Variants in MBD3 observed in about 807,000 individuals in gnomAD.
The protein encoded by MBD3 is methyl-CpG-binding domain protein 3.
MBD3 carries 13 observed loss-of-function variants against 31.2 expected under a neutral mutation model. The observed-to-expected ratio is 0.42, with a 90% confidence interval of 0.27 to 0.66. The LOEUF is 0.66. Ranked by LOEUF, MBD3 falls within the 30% of genes least tolerant of loss-of-function variation. The probability of loss-of-function intolerance (pLI) is 0.26; values close to 1 mark genes in which losing one functional copy is unlikely to be tolerated. For synonymous variants in MBD3, 223 were observed against 187.4 expected, an observed-to-expected ratio of 1.19 and a Z score of -1.55; for missense variants, 440 against 426.5, an observed-to-expected ratio of 1.03 and a Z score of -0.28.
chr19:1,579,974 T>C (rs1032826504), intron 5 of MBD3, among the ~76,000 whole-genome samples: 4 of 152,208 alleles, frequency 2.6e-5, no homozygotes, highest in African/African-American at 9.6e-5. Flanking sequence ...GCCAGGCTGG[T>C]CTTCAACTCC....
chr19:1,582,952 C>T (rs921450581), intron 3 of MBD3, among the ~76,000 whole-genome samples: 2 of 152,092 alleles, frequency 1.3e-5, no homozygotes, highest in African/African-American at 2.4e-5. Flanking sequence ...GCCTGTAATC[C>T]CAGCACTTTA....
In MBD3 at chr19:1,578,622, G is replaced by A. The variant is rs1181981219; in HGVS notation, c.678-84C>T. ...AGGATGAACGTGGGGACCTCAGCTGGGAGGGGAGGCCCGAGGGATCCACAG... is the reference window on the plus strand; with the variant it reads ...AGGATGAACGTGGGGACCTCAGCTGAGAGGGGAGGCCCGAGGGATCCACAG... On this transcript the variant is annotated intron_variant, in intron 5 of 6. Coordinates refer to ENST00000434436, the MANE Select transcript of MBD3 (RefSeq NM_001281453.2). This position sits in a 1 kb window ranked among gnomAD's most constrained non-coding sequence, Gnocchi z 6.1. The A allele has an allele frequency of 1.2e-6, 2 of 1,600,236 alleles. No homozygotes were observed. Among genetic ancestry groups the A allele is most frequent in the Non-Finnish European group, 1.7e-6 (2 of 1,179,770 alleles).
chr19:1,584,958 C>G, intron 2 of MBD3, 97 bp downstream of exon 2: 1 of 1,527,846 alleles, frequency 6.5e-7, no homozygotes, highest in Non-Finnish European at 8.9e-7. Flanking sequence ...CTCCTGCGCT[C>G]AGGACGCCGG....
intron 3 of MBD3, 73 bp from the exon 4 acceptor site, chr19:1,582,785 A>G: frequency 7.2e-7 from 1 of 1,392,158 alleles, no homozygotes; most frequent in South Asian, 1.2e-5. Flanking sequence ...GCTGGGCTCC[A>G]GGGAGGCCCA....
Position 1,584,657 on chromosome 19 carries a change from C to T in MBD3, c.291G>A (p.Thr97=). The change falls in exon 3 of 7, where the codon ACG becomes ACA. Residue 97 remains threonine (T), a synonymous_variant. Coordinates refer to ENST00000434436, the MANE Select transcript of MBD3 (RefSeq NM_001281453.2). ...NQVKGKPDLN[T]ALPVRQTASI... is the part of the protein sequence containing the mutation. ...ACGCCGTCTGGCGCACGGGCAGCGC[C>T]GTGTTCAGGTCGGGCTTGCCCTGCG... 2 of 1,613,068 alleles carry T rather than the reference C, an allele frequency of 1.2e-6. No homozygotes were observed. The highest frequency in any genetic ancestry group is 1.7e-6 in the Non-Finnish European group (2 of 1,179,808).
At position 1,585,190 on chromosome 19, in the gene MBD3, G is replaced by A; in HGVS notation, c.135C>T (p.Ser45=). 6.2e-7 allele frequency: 1 copy of A among 1,604,340 alleles called. No individual in the cohort carries two copies. Among genetic ancestry groups the A allele is most frequent in the South Asian group, 1.1e-5 (1 of 90,790 alleles). Residue 45 remains serine (S), a synonymous_variant, in exon 2 of 7, where the codon AGC becomes AGT. Coordinates refer to ENST00000434436, the MANE Select transcript of MBD3 (RefSeq NM_001281453.2). The surrounding 1 kb of genome is among the most constrained non-coding windows in gnomAD (Gnocchi z 4.1). The part of the protein sequence containing the change: ...YYSPSGKKFR[S]KPQLARYLGG... The stretch of plus-strand genomic sequence containing the variant: ...CCAGGTAGCGCGCCAGCTGCGGCTT[G>A]CTGCGGAACTTCTTCCCGCTCGGGC...
chr19:1,581,702 G>A (rs1345941489), intron 4 of MBD3: 3 of 300,266 alleles, frequency 1.0e-5, no homozygotes, highest in Non-Finnish European at 1.9e-5. Flanking sequence ...TAGTAACGGC[G>A]CCACTGTACT....
At position 1,578,462 on chromosome 19, in the gene MBD3, C is replaced by T. The variant is rs895867400; in HGVS notation, c.754G>A (p.Glu252Lys). 1 of 1,609,410 alleles carries T rather than the reference C, an allele frequency of 6.2e-7. No individual in the cohort carries two copies. The highest frequency in any genetic ancestry group is 1.3e-5 in the African/African-American group (1 of 74,946). Residue 252 changes from glutamate to lysine, a missense_variant, in exon 6 of 7, where the codon GAG becomes AAG. Around this residue, in one of 3 missense-constraint regions of MBD3, gnomAD observed 117 missense variants for 95.0 expected, o/e 1.23. Transcript: ENST00000434436. The surrounding 1 kb of genome is among the most constrained non-coding windows in gnomAD (Gnocchi z 6.1). ...GCCTCCCCGTCACGGGCCAGCTCCT[C>T]CACGTGCGCCAGCATGTCGGCCATC... ...ALMADMLAHV[E>K]ELARDGEAPL...
intron 1 of MBD3, among the ~76,000 whole-genome samples, chr19:1,590,559 G>A (rs866593368): frequency 3.9e-5 from 6 of 152,134 alleles, no homozygotes; most frequent in Non-Finnish European, 7.4e-5. Context: ...TCAAGAATGC[G>A]TAAGCCGTGA....
intron 1 of MBD3, among the ~76,000 whole-genome samples, chr19:1,587,875 C>T (rs1020145971): frequency 7.4e-6 from 1 of 134,644 alleles, no homozygotes; most frequent in Non-Finnish European, 1.8e-5. Flanking sequence ...GCTGTTTTCC[C>T]GTTTTCCCAG....
intron 3 of MBD3, chr19:1,583,507 A>T (rs936315406): frequency 6.6e-6 from 1 of 152,124 alleles, no homozygotes; most frequent in Admixed American, 6.6e-5. Flanking sequence ...TGGGTTCCAT[A>T]ACCACACACC....
At chr19:1,591,071 C>T (rs1001640326) in intron 1 of MBD3, among the ~76,000 whole-genome samples, 4 of 152,218 alleles carry the variant, frequency 2.6e-5, no homozygotes, top group African/African-American at 9.6e-5. Flanking sequence ...TCCCAAGCTG[C>T]AGCCACCTCT....
Position 1,585,252 on chromosome 19 carries a change from C to T in MBD3, c.111-38G>A. The stretch of plus-strand genomic sequence containing the variant: ...GGGACGGTCGGCGCCCCGGGCGGAC[C>T]CCAGACCCCAAACCCAGGCCTCGGC... On this transcript the variant is annotated intron_variant, in intron 1 of 6. Coordinates refer to ENST00000434436, the MANE Select transcript of MBD3 (RefSeq NM_001281453.2). This position sits in a 1 kb window ranked among gnomAD's most constrained non-coding sequence, Gnocchi z 4.1. 2 of 1,543,068 alleles carry T rather than the reference C, an allele frequency of 1.3e-6. No homozygotes were observed. The highest frequency in any genetic ancestry group is 1.7e-6 in the Non-Finnish European group (2 of 1,151,106).
chr19:1,585,071 G>T lies in MBD3; in HGVS notation c.254C>A (p.Ser85Tyr), dbSNP rs1224919713. 2.5e-6 allele frequency: 4 copies of T among 1,612,182 alleles called. No homozygotes were observed. The highest frequency in any genetic ancestry group is 1.7e-6 in the Non-Finnish European group (2 of 1,179,372). Residue 85 changes from serine to tyrosine, a missense_variant, in exon 2 of 7, where the codon TCC (serine) becomes TAC (tyrosine). Coordinates refer to ENST00000434436, the MANE Select transcript of MBD3 (RefSeq NM_001281453.2). The surrounding 1 kb of genome is among the most constrained non-coding windows in gnomAD (Gnocchi z 4.1). ...NKSRQRVRYD[S>Y]SNQVKGKPDL... ...ACCACTCACCTTGACCTGGTTGGAG[G>T]AGTCGTAGCGCACGCGCTGGCGGCT... is the stretch of plus-strand genomic sequence containing the variant.
chr19:1,579,786 A>G (rs1202727323), intron 5 of MBD3, among the ~76,000 whole-genome samples: 1 of 151,722 alleles, frequency 6.6e-6, no homozygotes, highest in African/African-American at 2.4e-5. Flanking sequence ...ATAAGTTCTT[A>G]TTTTATTTTT....
Position 1,576,277 on chromosome 19 carries a change from G to T in MBD3, c.*1887C>A, listed in dbSNP as rs908039333. On this transcript the variant is annotated 3_prime_UTR_variant, in exon 7 of 7. Transcript: ENST00000434436. ...CATGGCTAGTGAGCTGAAGTCCAGG[G>T]TCCCGGGGCACAGCTCCCCTCCCTG... The T allele has an allele frequency of 2.0e-5, 3 of 152,198 alleles. No individual in the cohort carries two copies. The highest frequency in any genetic ancestry group is 4.4e-5 in the Non-Finnish European group (3 of 68,054). 9.4% of individuals were successfully genotyped at this position (152,198 alleles called of 1,614,324 possible).
chr19:1,583,549 G>GA (rs899124986), intron 3 of MBD3, among the ~76,000 whole-genome samples: 1 of 151,586 alleles, frequency 6.6e-6, no homozygotes, highest in Admixed American at 6.6e-5. Context: ...TATTTGGGGG[G>GA]AAAAAAAATA....
rs1445555617 is a variant in MBD3 at position 1,592,645 on chromosome 19, TCGGCCCGCCGCC to T, written c.-26_-15del. On this transcript the variant is annotated 5_prime_UTR_variant, in exon 1 of 7. Coordinates refer to ENST00000434436, the MANE Select transcript of MBD3 (RefSeq NM_001281453.2). ...CTTCCGCTCCATTGCGCCCGGCTCC[TCGGCCCGCCGCC>T]GGGCCCGCCGCCGCCGCCCGGACCC... is the stretch of plus-strand genomic sequence containing the variant. The T allele has an allele frequency of 1.7e-6, 2 of 1,188,222 alleles. No individual in the cohort carries two copies. The highest frequency in any genetic ancestry group is 2.2e-6 in the Non-Finnish European group (2 of 923,854). 73.6% of individuals were successfully genotyped at this position (1,188,222 alleles called of 1,614,324 possible).
chr19:1,592,514 T>C lies in MBD3; in HGVS notation c.110+8A>G. 7.2e-7 allele frequency: 1 copy of C among 1,389,976 alleles called. No individual in the cohort carries two copies. The highest frequency in any genetic ancestry group is 9.6e-7 in the Non-Finnish European group (1 of 1,042,648). The allele number at this position is 1,389,976 out of a possible 1,614,324, so 86.1% of individuals were successfully genotyped here. On this transcript the variant is annotated splice_region_variant and intron_variant, in intron 1 of 6. Coordinates refer to ENST00000434436, the MANE Select transcript of MBD3 (RefSeq NM_001281453.2). ...TTGAGGCCCTGCGCGGCCGGCGCGC[T>C]CATTCACCTATAGTAAAAGACATCC...
Sources: gnomAD v4.1 joint callset for allele counts (sites outside exome capture counted in the v4.1 genomes callset) on GRCh38, gnomAD v4.1.1 for gene constraint, gnomAD v4.1.1 regional missense constraint, Gnocchi (gnomAD v3.1) non-coding constraint, MANE v1.5 for transcripts, NCBI Gene and HGNC (gene_info 2026-07-23, HGNC 2026-07-21) for gene names.